TRRAP: variants seen among roughly 807,000 people sequenced by gnomAD.
TRRAP encodes the protein transformation/transcription domain associated protein, also known as transformation/transcription domain-associated protein.
Under a neutral mutation model 438.8 loss-of-function variants are expected in TRRAP, and 41 were observed. The observed-to-expected ratio is 0.09, with a 90% confidence interval of 0.07 to 0.12. TRRAP has a LOEUF of 0.12. Among genes scored for constraint, TRRAP ranks in the 10% least tolerant of loss-of-function variants. TRRAP has a pLI of 1.00. For missense variants in TRRAP, 3,122 were observed against 5,055.1 expected (o/e 0.62, Z 11.60); for synonymous variants, 1,994 against 1,962.9 (o/e 1.02, Z -0.42).
intron 21 of TRRAP, among the ~76,000 whole-genome samples, chr7:98,922,701 C>T (rs1008578296): frequency 6.6e-6 from 1 of 152,058 alleles, no homozygotes; most frequent in Non-Finnish European, 1.5e-5. Flanking sequence ...AATGTTTGAG[C>T]GGATCCACGT....
chr7:98,970,245 T>C lies in TRRAP; in HGVS notation c.7646T>C (p.Val2549Ala), dbSNP rs1285691663. Reference protein sequence around the residue: ...DRAAFAMVTHVKQEPRERENS... With the variant: ...DRAAFAMVTHAKQEPRERENS... ...GCCGCCTTCGCCATGGTCACACATG[T>C]CAAGCAGGAGCCCCGGGAGCGGGAG... is the stretch of plus-strand genomic sequence containing the variant. Residue 2549 changes from valine to alanine, a missense_variant, in exon 52 of 73, where the codon GTC (valine) becomes GCC (alanine). Transcript: ENST00000456197. 1 of 1,613,312 alleles carries C rather than the reference T, an allele frequency of 6.2e-7. No individual in the cohort carries two copies. The highest frequency in any genetic ancestry group is 8.5e-7 in the Non-Finnish European group (1 of 1,179,988).
intron 35 of TRRAP, 86 bp from the exon 36 acceptor site, chr7:98,949,331 A>T: frequency 7.4e-7 from 1 of 1,349,602 alleles, no homozygotes; most frequent in Non-Finnish European, 9.6e-7. Context: ...TTTTTAAAAG[A>T]TTTAGAAAGA....
At position 98,976,413 on chromosome 7, in the gene TRRAP, G is replaced by C. The variant is rs1056484078; in HGVS notation, c.7960-70G>C. ...CGAGCGAATTAGGAAAGGTATTCTT[G>C]CATCGAGAGAGACAGCAAGACTTGC... On this transcript the variant is annotated intron_variant, in intron 54 of 72. Transcript: ENST00000456197. This position sits in a 1 kb window ranked among gnomAD's most constrained non-coding sequence, Gnocchi z 4.6. The C allele has an allele frequency of 1.3e-6, 2 of 1,575,602 alleles. No individual in the cohort carries two copies. The highest frequency in any genetic ancestry group is 2.7e-5 in the African/African-American group (2 of 74,230).
chr7:98,944,036 A>C (rs1456652429), intron 31 of TRRAP, among the ~76,000 whole-genome samples: 3 of 152,192 alleles, frequency 2.0e-5, no homozygotes, highest in Non-Finnish European at 2.9e-5. Context: ...ATTTTTTTAA[A>C]GAAGTGATAT....
At position 98,976,412 on chromosome 7, in the gene TRRAP, T is replaced by C; in HGVS notation, c.7960-71T>C. On this transcript the variant is annotated intron_variant, in intron 54 of 72. Coordinates refer to ENST00000456197, the MANE Select transcript of TRRAP (RefSeq NM_001375524.1). This position sits in a 1 kb window ranked among gnomAD's most constrained non-coding sequence, Gnocchi z 4.6. The stretch of plus-strand genomic sequence containing the variant: ...TCGAGCGAATTAGGAAAGGTATTCT[T>C]GCATCGAGAGAGACAGCAAGACTTG... 6.3e-7 allele frequency: 1 copy of C among 1,575,802 alleles called. No homozygotes were observed. Among genetic ancestry groups the C allele is most frequent in the South Asian group, 1.2e-5 (1 of 86,618 alleles).
intron 33 of TRRAP, among the ~76,000 whole-genome samples, chr7:98,947,182 G>A (rs1264223805): frequency 6.6e-6 from 1 of 152,238 alleles, no homozygotes; most frequent in Admixed American, 6.5e-5. Flanking sequence ...TTGAATGACA[G>A]GAGCAAAACT....
chr7:98,879,633 C>T (rs560452658), intron 1 of TRRAP, among the ~76,000 whole-genome samples: 3 of 152,290 alleles, frequency 2.0e-5, no homozygotes, highest in Admixed American at 6.5e-5. Context: ...GGGGGTGTCA[C>T]CTGAAACAGG....
chr7:98,966,231 A>G (rs1012148573), intron 49 of TRRAP, among the ~76,000 whole-genome samples: 1 of 151,982 alleles, frequency 6.6e-6, no homozygotes, highest in Non-Finnish European at 1.5e-5. Flanking sequence ...GCGTGAACCC[A>G]GGAGGTGGAG....
chr7:98,919,495 A>G (rs2116456365), intron 20 of TRRAP, among the ~76,000 whole-genome samples: 1 of 152,306 alleles, frequency 6.6e-6, no homozygotes. Context: ...CCAGCTACTC[A>G]CGAGTTTGAG....
chr7:98,958,589 C>T (rs957310450), intron 44 of TRRAP, among the ~76,000 whole-genome samples: 15 of 152,252 alleles, frequency 9.9e-5, no homozygotes, highest in African/African-American at 1.7e-4. Context: ...CATGAGCCAC[C>T]GTGCCTGGCC....
chr7:98,994,894 C>G lies in TRRAP; in HGVS notation c.10309+46C>G. ...CCTTCCATAGGGAGAATTGTGCACG[C>G]TGATTTCCTCCGGCTTTAGTGTTGA... On this transcript the variant is annotated intron_variant, in intron 67 of 72. Coordinates refer to ENST00000456197, the MANE Select transcript of TRRAP (RefSeq NM_001375524.1). This position sits in a 1 kb window ranked among gnomAD's most constrained non-coding sequence, Gnocchi z 4.8. 6.3e-7 allele frequency: 1 copy of G among 1,596,492 alleles called. No homozygotes were observed. Among genetic ancestry groups the G allele is most frequent in the South Asian group, 1.1e-5 (1 of 89,600 alleles).
Position 98,945,012 on chromosome 7 carries a change from C to G in TRRAP, c.4474-735C>G, listed in dbSNP as rs62472034. ...TAGAGATGGGGTTTCACTTTGTTGG[C>G]CAGGCTGGTCTTGAACTCCTGACCT... On this transcript the variant is annotated intron_variant, in intron 31 of 72. Transcript: ENST00000456197. 6.6e-3 allele frequency among the ~76,000 whole-genome samples: 998 copies of G among 152,162 alleles called. 9 individuals carry two copies. The highest frequency in any genetic ancestry group is 9.0e-3 in the Non-Finnish European group (613 of 68,002).
At chr7:98,950,336 CT>C in intron 38 of TRRAP, 74 bp downstream of exon 38, 2 of 1,529,530 alleles carry the variant, frequency 1.3e-6, no homozygotes, top group South Asian at 1.2e-5. Context: ...GGGCCCTTTT[CT>C]TTTTTTGCTG....
chr7:98,963,459 C>T (rs1011810389), intron 47 of TRRAP, among the ~76,000 whole-genome samples: 2 of 152,166 alleles, frequency 1.3e-5, no homozygotes, highest in African/African-American at 4.8e-5. Flanking sequence ...ACCTCATGGG[C>T]CCTGCCTCCC....
chr7:98,977,086 A>G lies in TRRAP; in HGVS notation c.8385+10A>G, dbSNP rs1271259397. 1.2e-6 allele frequency: 2 copies of G among 1,614,098 alleles called. No homozygotes were observed. Among genetic ancestry groups the G allele is most frequent in the African/African-American group, 2.7e-5 (2 of 74,932 alleles). On this transcript the variant is annotated intron_variant, in intron 56 of 72. Coordinates refer to ENST00000456197, the MANE Select transcript of TRRAP (RefSeq NM_001375524.1). ...CGGGTTCTTTGAGCAGGTAAACCTC[A>G]GACCACTGACGGTCTTGGGTGTGTA...
chr7:98,994,995 G>GA lies in TRRAP; in HGVS notation c.10309+148dup. 1.6e-6 allele frequency: 2 copies of GA among 1,230,074 alleles called. No homozygotes were observed. The highest frequency in any genetic ancestry group is 2.2e-6 in the Non-Finnish European group (2 of 898,598). 76.2% of individuals were successfully genotyped at this position (1,230,074 alleles called of 1,614,324 possible). On this transcript the variant is annotated intron_variant, in intron 67 of 72. Coordinates refer to ENST00000456197, the MANE Select transcript of TRRAP (RefSeq NM_001375524.1). The surrounding 1 kb of genome is among the most constrained non-coding windows in gnomAD (Gnocchi z 4.8). The stretch of plus-strand genomic sequence containing the variant: ...CACTCTGTTTACAGTGCAGACTTCA[G>GA]AGTGCATAGCTGAGACCACATGTTT...
intron 67 of TRRAP, among the ~76,000 whole-genome samples, chr7:98,996,110 G>A (rs1475096876): frequency 2.7e-5 from 4 of 147,712 alleles, no homozygotes; most frequent in East Asian, 2.0e-4. Flanking sequence ...ACACACCAAC[G>A]TCCCATCTAC....
At chr7:98,962,561 T>A (rs1464927649) in intron 47 of TRRAP, 134 bp downstream of exon 47, 2 of 1,526,852 alleles carry the variant, frequency 1.3e-6, no homozygotes, top group African/African-American at 2.7e-5. Flanking sequence ...TTCAGGTGTC[T>A]GTTGCCTGGG....
intron 70 of TRRAP, among the ~76,000 whole-genome samples, chr7:99,008,983 C>T (rs967084993): frequency 2.6e-5 from 4 of 152,102 alleles, no homozygotes; most frequent in African/African-American, 4.8e-5. Context: ...AGGTGTTAGG[C>T]GATGTGCAGC....
Sources: gnomAD v4.1 joint callset for allele counts (sites outside exome capture counted in the v4.1 genomes callset) on GRCh38, gnomAD v4.1.1 for gene constraint, Gnocchi (gnomAD v3.1) non-coding constraint, MANE v1.5 for transcripts, NCBI Gene and HGNC (gene_info 2026-07-23, HGNC 2026-07-21) for gene names.